The following ABCC5 variants were observed in gnomAD, a reference collection of about 807,000 sequenced individuals.
The protein encoded by ABCC5 is ATP-binding cassette sub-family C member 5.
In ABCC5, 61 loss-of-function variants were observed where a neutral mutation model predicts 160.9. That is an observed-to-expected ratio of 0.38 (90% CI 0.31 to 0.47). The LOEUF (loss-of-function observed/expected upper bound fraction) is 0.47. Among genes scored for constraint, ABCC5 ranks in the 20% least tolerant of loss-of-function variants. ABCC5 has a pLI of 0.99. For missense variants in ABCC5, 1,308 were observed against 1,813.3 expected, an observed-to-expected ratio of 0.72 and a Z score of 5.06; for synonymous variants, 666 against 700.6, an observed-to-expected ratio of 0.95 and a Z score of 0.78.
chr3:183,971,507 C>T, intron 11 of ABCC5, 56 bp downstream of exon 11: 1 of 1,509,742 alleles, frequency 6.6e-7, no homozygotes, highest in Non-Finnish European at 9.0e-7. Flanking sequence ...CTATTGGTGG[C>T]AGATCAGCAT....
Position 183,977,621 on chromosome 3 carries a change from A to C in ABCC5, c.1300T>G (p.Phe434Val), listed in dbSNP as rs1454251249. 6.2e-7 allele frequency: 1 copy of C among 1,612,292 alleles called. No homozygotes were observed. The highest frequency in any genetic ancestry group is 8.5e-7 in the Non-Finnish European group (1 of 1,178,548). Residue 434 changes from phenylalanine (F) to valine (V), a missense_variant, in exon 10 of 30, where the codon TTC (phenylalanine) becomes GTC (valine). Coordinates refer to ENST00000334444, the MANE Select transcript of ABCC5 (RefSeq NM_005688.4). ...LGFDLTAAQA[F>V]TVVTVFNSMT... ...GAATTGAAGACTGTCACCACTGTGA[A>C]AGCCTGAAAATAGGAGAAGAGAAGA...
At chr3:184,000,164 G>GCT in intron 2 of ABCC5, among the ~76,000 whole-genome samples, 1 of 151,936 alleles carries the variant, frequency 6.6e-6, no homozygotes, top group Non-Finnish European at 1.5e-5. Context: ...CTTGAGACCA[G>GCT]CCTGGGCAAC....
rs375028027 is a variant in ABCC5, at chr3:183,982,601, A to G, written c.849T>C (p.Asp283=). 1.9e-6 allele frequency: 3 copies of G among 1,614,134 alleles called. No individual in the cohort carries two copies. The highest frequency in any genetic ancestry group is 2.2e-5 in the East Asian group (1 of 44,878). The change falls in exon 7 of 30, where the codon GAT becomes GAC. Residue 283 remains aspartate (D), a synonymous_variant. Coordinates refer to ENST00000334444, the MANE Select transcript of ABCC5 (RefSeq NM_005688.4). The surrounding 1 kb of genome is among the most constrained non-coding windows in gnomAD (Gnocchi z 5.2). ...LGELINICSN[D]GQRMFEAAAV... ...CTGCTGCCTCAAACATTCTCTGCCC[A>G]TCGTTGGAGCAAATGTTGATGAGCT... is the stretch of plus-strand genomic sequence containing the variant.
At chr3:183,983,109 G>T in intron 5 of ABCC5, 102 bp from the exon 6 acceptor site, 2 of 1,130,004 alleles carry the variant, frequency 1.8e-6, no homozygotes, top group East Asian at 2.5e-5. Flanking sequence ...TCCACTCAGG[G>T]ACCAGTGCGC....
Position 183,987,936 on chromosome 3 carries a change from C to T in ABCC5, c.444-19G>A. 1 of 1,611,856 alleles carries T rather than the reference C, an allele frequency of 6.2e-7. No individual in the cohort carries two copies. The highest frequency in any genetic ancestry group is 8.5e-7 in the Non-Finnish European group (1 of 1,178,868). ...CTCTAGTCTTAACAAGGGCACACGT[C>T]CTCGTTACACATCTCCTCGGGGGAA... On this transcript the variant is annotated intron_variant, in intron 4 of 29. Coordinates refer to ENST00000334444, the MANE Select transcript of ABCC5 (RefSeq NM_005688.4). This position sits in a 1 kb window ranked among gnomAD's most constrained non-coding sequence, Gnocchi z 4.2.
chr3:183,960,184 C>A (rs898588055), intron 16 of ABCC5, among the ~76,000 whole-genome samples: 7 of 152,256 alleles, frequency 4.6e-5, no homozygotes, highest in African/African-American at 1.7e-4. Context: ...TAGATCTGAT[C>A]ATTTCCCACT....
chr3:183,957,329 C>A (rs1158980988), intron 17 of ABCC5, among the ~76,000 whole-genome samples: 1 of 113,486 alleles, frequency 8.8e-6, no homozygotes, highest in Non-Finnish European at 1.9e-5. Flanking sequence ...CGGTTACATG[C>A]GGGTCCGTGT....
chr3:183,979,491 G>A (rs896208635), intron 8 of ABCC5, among the ~76,000 whole-genome samples: 3 of 152,166 alleles, frequency 2.0e-5, no homozygotes, highest in Non-Finnish European at 4.4e-5. Flanking sequence ...TCTATAGGCA[G>A]AATGATTTTT....
chr3:183,932,996 C>T (rs1356024019), intron 26 of ABCC5, among the ~76,000 whole-genome samples: 1 of 151,834 alleles, frequency 6.6e-6, no homozygotes, highest in African/African-American at 2.4e-5. Flanking sequence ...TGTGAAACCC[C>T]ATCTCTACTA....
At chr3:183,995,572 T>A (rs1459772970) in intron 2 of ABCC5, among the ~76,000 whole-genome samples, 1 of 152,200 alleles carries the variant, frequency 6.6e-6, no homozygotes, top group African/African-American at 2.4e-5. Context: ...TGTGCTGCAC[T>A]TATGTCGAAA....
At chr3:183,926,993 C>T (rs929620822) in intron 28 of ABCC5, among the ~76,000 whole-genome samples, 3 of 151,458 alleles carry the variant, frequency 2.0e-5, no homozygotes, top group Admixed American at 6.6e-5. Context: ...TGCAGTGAGC[C>T]GAGATTTGGC....
intron 2 of ABCC5, among the ~76,000 whole-genome samples, chr3:184,005,114 C>T (rs1721073639): frequency 6.6e-6 from 1 of 152,140 alleles, no homozygotes; most frequent in African/African-American, 2.4e-5. Flanking sequence ...TTCTGAGCCA[C>T]CGAATTCCAG....
At chr3:183,979,933 T>C (rs1464480632) in intron 8 of ABCC5, among the ~76,000 whole-genome samples, 1 of 151,990 alleles carries the variant, frequency 6.6e-6, no homozygotes, top group Non-Finnish European at 1.5e-5. Context: ...TGGAGTGCAG[T>C]GGTGTGATCT....
intron 11 of ABCC5, 100 bp downstream of exon 11, chr3:183,971,463 C>T: frequency 8.6e-7 from 1 of 1,166,908 alleles, no homozygotes; most frequent in South Asian, 1.4e-5. Context: ...CACTCCTAGC[C>T]ACAAAGCACT....
chr3:183,965,308 C>T (rs1717115697), intron 13 of ABCC5, 51 bp from the exon 14 acceptor site: 1 of 1,613,824 alleles, frequency 6.2e-7, no homozygotes, highest in Non-Finnish European at 8.5e-7. Context: ...GCAGAGCCTG[C>T]TGACTAGGGC....
At chr3:184,013,267 T>A (rs920020706) in intron 2 of ABCC5, among the ~76,000 whole-genome samples, 3 of 152,168 alleles carry the variant, frequency 2.0e-5, no homozygotes, top group African/African-American at 7.2e-5. Context: ...TATTTTTTAT[T>A]TTTTTGGAGA....
In ABCC5 at chr3:183,949,956, A is replaced by T; in HGVS notation, c.3098+16T>A. ...CTTCTCCGTGGCCCCAGCAGACATG[A>T]ACGCTTCCTATTTACCTGGAGACAA... On this transcript the variant is annotated intron_variant, in intron 21 of 29. Transcript: ENST00000334444. The surrounding 1 kb of genome is among the most constrained non-coding windows in gnomAD (Gnocchi z 4.2). 6.2e-7 allele frequency: 1 copy of T among 1,614,094 alleles called. No individual in the cohort carries two copies. Among genetic ancestry groups the T allele is most frequent in the South Asian group, 1.1e-5 (1 of 91,062 alleles).
At chr3:183,952,686 A>C (rs920446878) in intron 18 of ABCC5, among the ~76,000 whole-genome samples, 1 of 152,188 alleles carries the variant, frequency 6.6e-6, no homozygotes, top group African/African-American at 2.4e-5. Context: ...CACCTTGTGA[A>C]GAAGGTGCCT....
intron 24 of ABCC5, 49 bp downstream of exon 24, chr3:183,945,801 C>T (rs747444612): frequency 3.3e-6 from 5 of 1,498,470 alleles, no homozygotes; most frequent in African/African-American, 2.8e-5. Context: ...AAGGGTAAAC[C>T]GACTCCAAGA....
Sources: gnomAD v4.1 joint callset for allele counts (sites outside exome capture counted in the v4.1 genomes callset) on GRCh38, gnomAD v4.1.1 for gene constraint, Gnocchi (gnomAD v3.1) non-coding constraint, MANE v1.5 for transcripts, NCBI Gene and HGNC (gene_info 2026-07-23, HGNC 2026-07-21) for gene names.